NAA16: variants seen among roughly 807,000 people sequenced by gnomAD.
NAA16 encodes the protein N-alpha-acetyltransferase 16, NatA auxiliary subunit.
In NAA16, 97 loss-of-function variants were observed where a neutral mutation model predicts 110.3. The observed-to-expected ratio is 0.88, with a 90% CI of 0.75 to 1.04. The LOEUF (loss-of-function observed/expected upper bound fraction) is 1.04, where lower values mean the gene tolerates loss of function less well. Among genes scored for constraint, NAA16 ranks in the 50% least tolerant of loss-of-function variants. NAA16 has a pLI of 0.00. For synonymous variants in NAA16, 372 were observed against 330.6 expected (o/e 1.13, Z -1.36); for missense variants, 1,017 against 1,005.1 (o/e 1.01, Z -0.16).
At chr13:41,336,791 C>CT (rs1308729529) in intron 9 of NAA16, 35 bp downstream of exon 9, 8 of 1,210,382 alleles carry the variant, frequency 6.6e-6, no homozygotes, top group South Asian at 1.3e-5. Flanking sequence ...TTGCTATAGT[C>CT]TTTTTTACTA....
rs192290238 is a variant in NAA16 at position 41,317,022 on chromosome 13, C to T, written c.139+92C>T. ...GAAGAGTATTTCCCCGATTCCAGGG[C>T]CTTGCAGTTCTCTATTAGAGTGCAT... is the stretch of plus-strand genomic sequence containing the variant. On this transcript the variant is annotated intron_variant, in intron 2 of 19. Coordinates refer to ENST00000379406, the MANE Select transcript of NAA16 (RefSeq NM_024561.5). The T allele has an allele frequency of 5.6e-4, 487 of 867,786 alleles. 3 individuals carry two copies. The highest frequency in any genetic ancestry group is 1.4e-3 in the Admixed American group (75 of 54,632). The allele number at this position is 867,786 out of a possible 1,614,324, so 53.8% of individuals were successfully genotyped here.
chr13:41,358,967 G>C lies in NAA16; in HGVS notation c.1410+5G>C, dbSNP rs1184450546. 1.9e-6 allele frequency: 3 copies of C among 1,593,906 alleles called. No homozygotes were observed. The South Asian group carries it at 3.4e-5, about 18-fold the overall frequency. ...ATGTGCTCCAAGTTCACAAGGGTAG[G>C]AAATAGCATGCATGAGCATGTAATT... On this transcript the variant is annotated splice_donor_5th_base_variant and intron_variant, in intron 12 of 19. Coordinates refer to ENST00000379406, the MANE Select transcript of NAA16 (RefSeq NM_024561.5).
intron 9 of NAA16, among the ~76,000 whole-genome samples, chr13:41,337,945 T>C (rs963961829): frequency 2.6e-5 from 4 of 152,026 alleles, no homozygotes; most frequent in African/African-American, 9.6e-5. Context: ...GAAAAAAACA[T>C]CATTTATGTT....
intron 1 of NAA16, among the ~76,000 whole-genome samples, chr13:41,311,862 G>C (rs1381633304): frequency 6.6e-6 from 1 of 152,244 alleles, no homozygotes; most frequent in Non-Finnish European, 1.5e-5. Flanking sequence ...CGCAGTGCCC[G>C]GGCACAGCCG....
chr13:41,311,477 C>A lies in NAA16; in HGVS notation c.-52C>A. Reference sequence around the variant, plus strand: ...CGGTGCCCACCCCCGCGAAGCGGAGCGCCCGGGCACCTAGCCTCCCTGCCG... The same window carrying A: ...CGGTGCCCACCCCCGCGAAGCGGAGAGCCCGGGCACCTAGCCTCCCTGCCG... On this transcript the variant is annotated 5_prime_UTR_variant, in exon 1 of 20. Coordinates refer to ENST00000379406, the MANE Select transcript of NAA16 (RefSeq NM_024561.5). 1 of 1,543,372 alleles carries A rather than the reference C, an allele frequency of 6.5e-7. No homozygotes were observed.
intron 9 of NAA16, among the ~76,000 whole-genome samples, chr13:41,345,503 C>T (rs1052827257): frequency 2.0e-5 from 3 of 151,944 alleles, no homozygotes; most frequent in African/African-American, 7.3e-5. Flanking sequence ...TTTTCTTTGC[C>T]CATTTTTAGA....
At chr13:41,375,201 GTTA>G (rs1566308065) in intron 19 of NAA16, among the ~76,000 whole-genome samples, 1 of 152,156 alleles carries the variant, frequency 6.6e-6, no homozygotes, top group East Asian at 1.9e-4. Context: ...CTCTTTTGCA[GTTA>G]TTAGAATTTT....
chr13:41,347,538 A>G (rs1691889718), intron 9 of NAA16, among the ~76,000 whole-genome samples: 1 of 152,016 alleles, frequency 6.6e-6, no homozygotes. Flanking sequence ...ATGTTTTGTA[A>G]TTATTGTACA....
chr13:41,352,128 G>A (rs2042852163), intron 9 of NAA16, among the ~76,000 whole-genome samples: 1 of 152,280 alleles, frequency 6.6e-6, no homozygotes, highest in African/African-American at 2.4e-5. Flanking sequence ...GATCGCTTGC[G>A]CTCAGGAGTT....
At chr13:41,366,840 CTTAGA>C (rs2043217016) in intron 13 of NAA16, among the ~76,000 whole-genome samples, 1 of 152,090 alleles carries the variant, frequency 6.6e-6, no homozygotes, top group African/African-American at 2.4e-5. Flanking sequence ...TTATTCTTAA[CTTAGA>C]TTAAATAATT....
chr13:41,371,631 G>A (rs2043320135), intron 15 of NAA16, among the ~76,000 whole-genome samples: 2 of 152,100 alleles, frequency 1.3e-5, no homozygotes, highest in Non-Finnish European at 2.9e-5. Context: ...TAAGAATACA[G>A]TATACAATAC....
At chr13:41,355,809 C>G (rs1202352931) in intron 10 of NAA16, among the ~76,000 whole-genome samples, 1 of 152,146 alleles carries the variant, frequency 6.6e-6, no homozygotes, top group African/African-American at 2.4e-5. Flanking sequence ...TATATTGGAA[C>G]CTGTTTTTCC....
At chr13:41,373,903 G>A (rs762758250) in intron 18 of NAA16, 123 bp downstream of exon 18, 130 of 1,371,684 alleles carry the variant, frequency 9.5e-5, no homozygotes, top group African/African-American at 1.2e-4. Context: ...AGAGAAATGT[G>A]GACAAATTTA....
rs556378264 is a variant in NAA16, at chr13:41,331,500, T to C, written c.907+131T>C. ...TCTTGGAGTTGGGAGTGAACAGTTA[T>C]GAGTTTATATGTTAAGAGTGTGATA... is the stretch of plus-strand genomic sequence containing the variant. On this transcript the variant is annotated intron_variant, in intron 8 of 19. Transcript: ENST00000379406. 1.1e-3 allele frequency: 596 copies of C among 542,108 alleles called. 1 individual carries two copies. Among genetic ancestry groups the C allele is most frequent in the Non-Finnish European group, 1.7e-3 (523 of 306,548 alleles). 33.6% of individuals were successfully genotyped at this position (542,108 alleles called of 1,614,324 possible).
In NAA16 at chr13:41,325,806, T is replaced by C. The variant is rs549027992; in HGVS notation, c.646T>C (p.Tyr216His). Residue 216 changes from tyrosine (Y) to histidine (H), a missense_variant, in exon 6 of 20, where the codon TAT becomes CAT. Transcript: ENST00000379406. Reference protein sequence around the residue: ...LQESLEHIEMYEKQICDKLLV... With the variant: ...LQESLEHIEMHEKQICDKLLV... ...GGAATCTTTGGAACATATAGAAATG[T>C]ATGAGAAACAAATATGTGATAAACT... 10 of 1,609,132 alleles carry C rather than the reference T, an allele frequency of 6.2e-6. No homozygotes were observed. The African/African-American group carries it at 1.2e-4, about 19-fold the overall frequency.
intron 6 of NAA16, among the ~76,000 whole-genome samples, 199 bp downstream of exon 6, chr13:41,326,050 A>T (rs2042085785): frequency 2.0e-5 from 3 of 152,168 alleles, no homozygotes; most frequent in African/African-American, 7.2e-5. Flanking sequence ...AGATGGGGGA[A>T]CTGAGAGATT....
chr13:41,313,084 A>C (rs1185395911), intron 1 of NAA16, among the ~76,000 whole-genome samples: 2 of 152,212 alleles, frequency 1.3e-5, no homozygotes, highest in East Asian at 3.8e-4. Context: ...TAAAGATGAC[A>C]GCACTTCTTT....
At chr13:41,324,676 T>C (rs1157542446) in intron 5 of NAA16, among the ~76,000 whole-genome samples, 1 of 150,696 alleles carries the variant, frequency 6.6e-6, no homozygotes. Flanking sequence ...GCCCGGCCAA[T>C]TTCTGTTTTT....
intron 13 of NAA16, 60 bp downstream of exon 13, chr13:41,362,219 T>G (rs940047667): frequency 1.6e-4 from 251 of 1,524,454 alleles, no homozygotes; most frequent in Non-Finnish European, 2.1e-4. Context: ...GCAGGTAGAT[T>G]TCTACACAGG....
Sources: gnomAD v4.1 joint callset for allele counts (sites outside exome capture counted in the v4.1 genomes callset) on GRCh38, gnomAD v4.1.1 for gene constraint, MANE v1.5 for transcripts, NCBI Gene and HGNC (gene_info 2026-07-23, HGNC 2026-07-21) for gene names.